Variants in HFM1 observed in about 807,000 individuals in gnomAD.
The protein encoded by HFM1 is helicase for meiosis 1, also known as probable ATP-dependent DNA helicase HFM1.
In HFM1, 169 loss-of-function variants were observed where a neutral mutation model predicts 192.1. That is an observed-to-expected ratio of 0.88 (90% CI 0.78 to 1.00). HFM1 has a LOEUF of 1.00. HFM1 is among the 50% of genes least tolerant of loss of function. HFM1 has a pLI of 0.00. For missense variants in HFM1, 1,661 were observed against 1,668.0 expected, an observed-to-expected ratio of 1.00 and a Z score of 0.07; for synonymous variants, 525 against 537.8, an observed-to-expected ratio of 0.98 and a Z score of 0.33.
At chr1:91,290,636 G>T (rs1465244553) in intron 30 of HFM1, among the ~76,000 whole-genome samples, 3 of 152,126 alleles carry the variant, frequency 2.0e-5, no homozygotes, top group Admixed American at 6.5e-5. Flanking sequence ...ACATTACACA[G>T]ATCAACGAGA....
intron 16 of HFM1, 81 bp from the exon 17 acceptor site, chr1:91,351,724 TTTATA>T: frequency 1.5e-6 from 1 of 661,348 alleles, no homozygotes; most frequent in Non-Finnish European, 2.6e-6. Flanking sequence ...AGACTTCCAT[TTTATA>T]TTAAACAGTC....
At chr1:91,295,043 T>C (rs1040575055) in intron 30 of HFM1, among the ~76,000 whole-genome samples, 21 of 152,290 alleles carry the variant, frequency 1.4e-4, no homozygotes, top group African/African-American at 5.1e-4. Flanking sequence ...ATTTTCTTTT[T>C]CACTTAAGTC....
intron 20 of HFM1, among the ~76,000 whole-genome samples, chr1:91,340,091 C>T (rs1415193252): frequency 6.6e-6 from 1 of 152,132 alleles, no homozygotes; most frequent in Non-Finnish European, 1.5e-5. Context: ...CTGCAACCTC[C>T]TCCTCCCAGG....
intron 30 of HFM1, among the ~76,000 whole-genome samples, chr1:91,310,367 GA>G (rs980401409): frequency 2.0e-5 from 3 of 152,070 alleles, no homozygotes; most frequent in Non-Finnish European, 2.9e-5. Context: ...ATGAGTAAAT[GA>G]AAATTCATCT....
At position 91,315,948 on chromosome 1, in the gene HFM1, C is replaced by T; in HGVS notation, c.3007G>A (p.Ala1003Thr). ...AATATAACAGTCACTAATATTTCTGCCGTCGTATCACTATATCTTGTAATC... is the reference window on the plus strand; with the variant it reads ...AATATAACAGTCACTAATATTTCTGTCGTCGTATCACTATATCTTGTAATC... ...EQITRYSDTT[A>T]EILVTVILRN... The change falls in exon 28 of 39, where the codon GCA becomes ACA. Residue 1003 changes from alanine (A) to threonine (T), a missense_variant. Ala to Thr is a moderately conservative substitution (Grantham distance 58, BLOSUM62 0). Coordinates refer to ENST00000370425, the MANE Select transcript of HFM1 (RefSeq NM_001017975.6). 1.9e-6 allele frequency: 3 copies of T among 1,591,160 alleles called. No individual in the cohort carries two copies. The highest frequency in any genetic ancestry group is 2.2e-5 in the East Asian group (1 of 44,640).
chr1:91,287,506 C>T (rs946705613), intron 30 of HFM1, among the ~76,000 whole-genome samples: 2 of 152,098 alleles, frequency 1.3e-5, no homozygotes, highest in Non-Finnish European at 2.9e-5. Flanking sequence ...ACACCAAAAA[C>T]CCATCTGTAC....
intron 31 of HFM1, 25 bp from the exon 32 acceptor site, chr1:91,276,768 T>TTTCA: frequency 8.7e-7 from 1 of 1,155,738 alleles, no homozygotes; most frequent in Non-Finnish European, 1.2e-6. Context: ...TTCAGATTCT[T>TTTCA]TAGGTTAAAC....
At chr1:91,272,840 GA>G (rs34607163) in intron 34 of HFM1, among the ~76,000 whole-genome samples, 1 of 150,022 alleles carries the variant, frequency 6.7e-6, no homozygotes, top group Admixed American at 6.6e-5. Flanking sequence ...ATGACTAGAG[GA>G]AAAAAAAGTT....
rs533365899 is a variant in HFM1 at position 91,367,248 on chromosome 1, G to C, written c.1685+8110C>G. ...CTTAAATGTCCCTGTCTGACACATT[G>C]GAAGACAGTAGTGGTTCTCCCAGCA... On this transcript the variant is annotated intron_variant, in intron 13 of 38. Transcript: ENST00000370425. 4.6e-5 allele frequency among the ~76,000 whole-genome samples: 7 copies of C among 152,272 alleles called. No individual in the cohort carries two copies. In the South Asian group the frequency reaches 1.2e-3, roughly 27 times the overall value.
At chr1:91,279,479 A>G (rs78119395) in intron 30 of HFM1, among the ~76,000 whole-genome samples, 10,782 of 152,238 alleles carry the variant, frequency 0.071, 510 homozygotes, top group East Asian at 0.16. Context: ...TTAAAGTCCA[A>G]TGCTGATCAG....
intron 20 of HFM1, among the ~76,000 whole-genome samples, chr1:91,334,846 T>C (rs987801816): frequency 4.6e-5 from 7 of 151,920 alleles, no homozygotes; most frequent in African/African-American, 1.7e-4. Context: ...GGAGAATCGC[T>C]TGAACCCGGG....
At chr1:91,302,876 A>T (rs926068589) in intron 30 of HFM1, among the ~76,000 whole-genome samples, 5 of 152,170 alleles carry the variant, frequency 3.3e-5, no homozygotes, top group African/African-American at 7.2e-5. Context: ...TGGCACATGT[A>T]TACATATGTA....
At chr1:91,319,457 C>T in intron 23 of HFM1, 67 bp from the exon 24 acceptor site, 1 of 966,728 alleles carries the variant, frequency 1.0e-6, no homozygotes, top group Non-Finnish European at 1.7e-6. Flanking sequence ...TTTGATATCA[C>T]TCACTGAAGT....
intron 30 of HFM1, among the ~76,000 whole-genome samples, chr1:91,284,238 T>A (rs1404912947): frequency 6.6e-6 from 1 of 150,864 alleles, no homozygotes; most frequent in African/African-American, 2.4e-5. Flanking sequence ...TTATTATTAT[T>A]ATATTATTAT....
At chr1:91,305,137 G>A (rs1433543514) in intron 30 of HFM1, among the ~76,000 whole-genome samples, 1 of 152,060 alleles carries the variant, frequency 6.6e-6, no homozygotes. Flanking sequence ...TTTCAAGGTT[G>A]GCTTAGCTAT....
At chr1:91,302,270 A>G (rs866578610) in intron 30 of HFM1, among the ~76,000 whole-genome samples, 1 of 151,758 alleles carries the variant, frequency 6.6e-6, no homozygotes, top group Non-Finnish European at 1.5e-5. Flanking sequence ...GATCATTAAA[A>G]AGTCAGGAAA....
intron 33 of HFM1, among the ~76,000 whole-genome samples, 182 bp from the exon 34 acceptor site, chr1:91,273,997 T>C (rs1666564247): frequency 6.6e-6 from 1 of 152,150 alleles, no homozygotes; most frequent in African/African-American, 2.4e-5. Context: ...TACTTTCCTT[T>C]ACATGCCCTT....
chr1:91,337,245 T>A (rs1273821664), intron 20 of HFM1, among the ~76,000 whole-genome samples: 1 of 152,156 alleles, frequency 6.6e-6, no homozygotes, highest in Non-Finnish European at 1.5e-5. Context: ...GGGAAAAAAT[T>A]GGCCTTTTGA....
At chr1:91,328,985 C>A in intron 20 of HFM1, 1 of 1,612,658 alleles carries the variant, frequency 6.2e-7, no homozygotes, top group Non-Finnish European at 8.5e-7. Flanking sequence ...AGCCAAAAAG[C>A]TGCCAATCCA....
Sources: allele counts gnomAD v4.1 joint callset (sites outside exome capture counted in the v4.1 genomes callset), GRCh38; gene constraint gnomAD v4.1.1; transcripts MANE v1.5; gene names NCBI Gene and HGNC (gene_info 2026-07-23, HGNC 2026-07-21).